NPAS3: variants seen among roughly 807,000 people sequenced by gnomAD.
NPAS3 encodes the protein neuronal PAS domain protein 3.
A neutral mutation model predicts 73.1 loss-of-function variants in NPAS3; 14 were observed. The ratio of observed to expected loss-of-function variants is 0.19; its 90% CI spans 0.13 to 0.30. The LOEUF (loss-of-function observed/expected upper bound fraction) is 0.30. Among genes scored for constraint, NPAS3 ranks in the 10% least tolerant of loss-of-function variants. The pLI is 1.00. For synonymous variants in NPAS3, 620 were observed against 541.5 expected, an observed-to-expected ratio of 1.14 and a Z score of -2.01; for missense variants, 1,096 against 1,250.0, an observed-to-expected ratio of 0.88 and a Z score of 1.86.
chr14:33,327,182 G>A (rs1383615524), intron 3 of NPAS3, among the ~76,000 whole-genome samples: 2 of 152,152 alleles, frequency 1.3e-5, no homozygotes, highest in Non-Finnish European at 2.9e-5. Context: ...TTACTCAAAT[G>A]TTTGAAAGGC....
intron 5 of NPAS3, among the ~76,000 whole-genome samples, chr14:33,660,737 G>T (rs1226268134): frequency 6.6e-6 from 1 of 152,110 alleles, no homozygotes; most frequent in Non-Finnish European, 1.5e-5. Flanking sequence ...GGGTTCTTCT[G>T]CAGAATTCTT....
At chr14:33,293,478 AT>A (rs1234850454) in intron 3 of NPAS3, among the ~76,000 whole-genome samples, 2 of 152,226 alleles carry the variant, frequency 1.3e-5, no homozygotes, top group Non-Finnish European at 1.5e-5. Flanking sequence ...GTTGTGAGTG[AT>A]TTAATGAGCA....
chr14:33,127,394 T>C (rs950485643), intron 2 of NPAS3, among the ~76,000 whole-genome samples: 4 of 152,168 alleles, frequency 2.6e-5, no homozygotes, highest in Admixed American at 6.6e-5. Flanking sequence ...GTCCTTATTT[T>C]ACCTTTAATC....
chr14:32,943,698 T>TC (rs1481502061), intron 1 of NPAS3, among the ~76,000 whole-genome samples: 4 of 150,132 alleles, frequency 2.7e-5, no homozygotes, highest in Non-Finnish European at 4.5e-5. Flanking sequence ...TTTTTCTTTT[T>TC]TTTTTTTTTT....
At chr14:33,000,807 C>G (rs943506104) in intron 1 of NPAS3, among the ~76,000 whole-genome samples, 1 of 152,138 alleles carries the variant, frequency 6.6e-6, no homozygotes, top group African/African-American at 2.4e-5. Flanking sequence ...AAGTCAGAAA[C>G]TGTTTTAATA....
intron 1 of NPAS3, among the ~76,000 whole-genome samples, chr14:33,009,062 G>A (rs2039096930): frequency 1.3e-5 from 2 of 152,238 alleles, no homozygotes; most frequent in South Asian, 4.1e-4. Context: ...ACCCAGACTG[G>A]ATAACAACGT....
chr14:32,991,395 G>A (rs1279205), intron 1 of NPAS3, among the ~76,000 whole-genome samples: 46,072 of 151,874 alleles, frequency 0.3, 7,178 homozygotes, highest in African/African-American at 0.38. Flanking sequence ...ACGCAGCATT[G>A]ATGTCTTTAG....
chr14:33,652,283 T>G (rs1313596898), intron 5 of NPAS3, among the ~76,000 whole-genome samples: 1 of 152,192 alleles, frequency 6.6e-6, no homozygotes, highest in African/African-American at 2.4e-5. Flanking sequence ...TGCTGTTGCA[T>G]TCTCCTCTGC....
At chr14:33,478,510 A>AT (rs2051154170) in intron 4 of NPAS3, among the ~76,000 whole-genome samples, 1 of 152,164 alleles carries the variant, frequency 6.6e-6, no homozygotes, top group Non-Finnish European at 1.5e-5. Context: ...ACAAATTTAA[A>AT]TATGTATATG....
chr14:33,541,634 G>T (rs891217119), intron 4 of NPAS3, among the ~76,000 whole-genome samples: 19 of 152,214 alleles, frequency 1.2e-4, no homozygotes, highest in African/African-American at 4.3e-4. Context: ...AAAATGGGAA[G>T]AGTGTGAACA....
At chr14:33,238,383 AT>A in intron 3 of NPAS3, among the ~76,000 whole-genome samples, 2 of 152,090 alleles carry the variant, frequency 1.3e-5, no homozygotes, top group South Asian at 4.1e-4. Context: ...GTTGGTTTCT[AT>A]TTCCATTCTC....
At chr14:33,704,145 A>C (rs2060595782) in intron 6 of NPAS3, among the ~76,000 whole-genome samples, 2 of 152,258 alleles carry the variant, frequency 1.3e-5, no homozygotes, top group African/African-American at 4.8e-5. Flanking sequence ...ATTACCTTGC[A>C]CATAAATACG....
At chr14:33,583,346 C>T (rs1431830729) in intron 5 of NPAS3, 1 of 152,182 alleles carries the variant, frequency 6.6e-6, no homozygotes. Context: ...GAACTGCAAC[C>T]TCAGAGTGAG....
chr14:33,041,759 C>G (rs1450988600), intron 1 of NPAS3, among the ~76,000 whole-genome samples: 2 of 152,102 alleles, frequency 1.3e-5, no homozygotes, highest in Non-Finnish European at 2.9e-5. Context: ...ACTAAACTTA[C>G]AGGTTTATAT....
intron 3 of NPAS3, among the ~76,000 whole-genome samples, chr14:33,339,295 T>C (rs1408536222): frequency 6.6e-6 from 1 of 152,154 alleles, no homozygotes; most frequent in Non-Finnish European, 1.5e-5. Flanking sequence ...AAGATGACAA[T>C]TATAGGACCT....
intron 4 of NPAS3, among the ~76,000 whole-genome samples, chr14:33,525,567 T>A (rs1320640749): frequency 6.6e-6 from 1 of 152,162 alleles, no homozygotes; most frequent in Non-Finnish European, 1.5e-5. Flanking sequence ...GGATGATTCA[T>A]TTATTTCTGT....
intron 9 of NPAS3, among the ~76,000 whole-genome samples, chr14:33,789,528 G>A (rs894429711): frequency 6.8e-6 from 1 of 147,074 alleles, no homozygotes; most frequent in Non-Finnish European, 1.5e-5. Flanking sequence ...AATCTAAGAA[G>A]AGGTCATTTA....
At chr14:33,111,556 C>T (rs34730748) in intron 2 of NPAS3, among the ~76,000 whole-genome samples, 2,288 of 152,082 alleles carry the variant, frequency 0.015, 59 homozygotes, top group African/African-American at 0.053. Flanking sequence ...TATTAATGTG[C>T]AGGTTTCCCA....
intron 3 of NPAS3, among the ~76,000 whole-genome samples, chr14:33,318,232 C>T (rs1609762): frequency 0.51 from 78,023 of 151,944 alleles, 20,235 homozygotes; most frequent in African/African-American, 0.57. Flanking sequence ...CTAAATGAAA[C>T]AAGCCAGTCA....
Sources: allele counts gnomAD v4.1 joint callset (sites outside exome capture counted in the v4.1 genomes callset), GRCh38; gene constraint gnomAD v4.1.1; transcripts MANE v1.5; gene names NCBI Gene and HGNC (gene_info 2026-07-23, HGNC 2026-07-21).